The following MAF variants were observed in gnomAD, a reference collection of about 807,000 sequenced individuals.
The protein encoded by MAF is transcription factor Maf.
In MAF, 10 loss-of-function variants were observed where a neutral mutation model predicts 22.0. The observed-to-expected ratio is 0.45, with a 90% CI of 0.28 to 0.77. MAF has a LOEUF of 0.77. MAF is among the 30% of genes least tolerant of loss of function. The pLI, the probability that MAF is intolerant of heterozygous loss-of-function variation, is 0.12. For synonymous variants in MAF, 337 were observed against 255.8 expected (o/e 1.32, Z -3.03); for missense variants, 544 against 548.4 (o/e 0.99, Z 0.08).
chr16:79,570,185 T>C, the MAF span, among the ~76,000 whole-genome samples: 2 of 152,172 alleles, frequency 1.3e-5, no homozygotes, highest in Admixed American at 6.5e-5. Context: ...AAGGAATTAT[T>C]GCTTTGGATG....
chr16:79,306,502 T>C, the MAF span, among the ~76,000 whole-genome samples: 2 of 152,072 alleles, frequency 1.3e-5, no homozygotes, highest in South Asian at 2.1e-4. Flanking sequence ...GGAAGAGAGG[T>C]TGGTGGCTTA....
intron 1 of MAF, among the ~76,000 whole-genome samples, chr16:79,588,615 C>T (rs1913003190): frequency 1.3e-5 from 2 of 151,916 alleles, no homozygotes; most frequent in Admixed American, 6.6e-5. Context: ...GCACGTGCCC[C>T]CACGTCCTGC....
the MAF span, among the ~76,000 whole-genome samples, chr16:79,376,275 A>G: frequency 6.6e-6 from 1 of 152,150 alleles, no homozygotes; most frequent in Non-Finnish European, 1.5e-5. Flanking sequence ...TTACACAAAA[A>G]TAGGTTGCAT....
chr16:79,293,919 C>T, the MAF span, among the ~76,000 whole-genome samples: 2 of 152,040 alleles, frequency 1.3e-5, no homozygotes, highest in East Asian at 1.9e-4. Context: ...TGTGATCAGA[C>T]AATTTCAGTC....
chr16:79,510,475 G>A, the MAF span, among the ~76,000 whole-genome samples: 1 of 152,170 alleles, frequency 6.6e-6, no homozygotes, highest in African/African-American at 2.4e-5. Flanking sequence ...GAGATGTTCT[G>A]GGATGGAGAC....
chr16:79,581,718 C>A (rs1249678694), downstream of MAF, among the ~76,000 whole-genome samples: 1 of 152,196 alleles, frequency 6.6e-6, no homozygotes, highest in Non-Finnish European at 1.5e-5. Context: ...AAAACACAAT[C>A]CTACCGACAA....
chr16:79,357,713 C>G, the MAF span, among the ~76,000 whole-genome samples: 1 of 152,112 alleles, frequency 6.6e-6, no homozygotes, highest in Admixed American at 6.5e-5. Context: ...TTACTAGATG[C>G]TGCCCAGGTG....
the MAF span, among the ~76,000 whole-genome samples, chr16:79,388,097 C>T: frequency 3.3e-5 from 5 of 152,194 alleles, no homozygotes; most frequent in Non-Finnish European, 5.9e-5. Context: ...CGTCCACTCT[C>T]CTGGTTTCAC....
At chr16:79,479,851 CTT>C in the MAF span, among the ~76,000 whole-genome samples, 3 of 152,218 alleles carry the variant, frequency 2.0e-5, no homozygotes, top group Middle Eastern at 3.2e-3. Context: ...TAAATTGTCA[CTT>C]GGGTCAAATC....
the MAF span, among the ~76,000 whole-genome samples, chr16:79,287,724 CTCAT>C: frequency 7.9e-3 from 1,200 of 152,310 alleles, 18 homozygotes; most frequent in African/African-American, 0.027. Context: ...CATTTATTCA[CTCAT>C]TCATTCATTC....
the MAF span, among the ~76,000 whole-genome samples, chr16:79,250,797 C>T: frequency 2.0e-5 from 3 of 152,168 alleles, no homozygotes; most frequent in South Asian, 2.1e-4. Context: ...AGCTTGCTAG[C>T]GTGGCCTGGC....
At chr16:79,447,891 CA>C in the MAF span, among the ~76,000 whole-genome samples, 155 of 72,592 alleles carry the variant, frequency 2.1e-3, 2 homozygotes, top group South Asian at 3.3e-3. Flanking sequence ...GATTCCATCT[CA>C]AAAAAAAAAA....
chr16:79,487,503 G>A, the MAF span, among the ~76,000 whole-genome samples: 1 of 152,046 alleles, frequency 6.6e-6, no homozygotes, highest in Non-Finnish European at 1.5e-5. Context: ...CTAAATGATT[G>A]AAAGAAGGCA....
chr16:79,471,984 G>C, the MAF span, among the ~76,000 whole-genome samples: 2 of 152,144 alleles, frequency 1.3e-5, no homozygotes, highest in Non-Finnish European at 2.9e-5. Flanking sequence ...TAGCTTTCTA[G>C]TTAGGAAAGA....
the MAF span, among the ~76,000 whole-genome samples, chr16:79,346,091 A>C: frequency 6.6e-6 from 1 of 151,830 alleles, no homozygotes; most frequent in Non-Finnish European, 1.5e-5. Context: ...GGTTTGTTAC[A>C]TATGTATACA....
the MAF span, among the ~76,000 whole-genome samples, chr16:79,353,966 G>C: frequency 1.3e-5 from 2 of 151,942 alleles, no homozygotes; most frequent in Non-Finnish European, 2.9e-5. Context: ...GAGATAAGTG[G>C]GGTAGAGACA....
the MAF span, among the ~76,000 whole-genome samples, chr16:79,360,329 A>T: frequency 6.6e-6 from 1 of 152,156 alleles, no homozygotes; most frequent in Non-Finnish European, 1.5e-5. Context: ...GCAGCCTCCC[A>T]AATGCCCTTA....
At chr16:79,382,457 T>C in the MAF span, among the ~76,000 whole-genome samples, 1 of 152,214 alleles carries the variant, frequency 6.6e-6, no homozygotes, top group Admixed American at 6.5e-5. Flanking sequence ...ATTGAGCACT[T>C]GAAATGTGGC....
chr16:79,296,646 G>A, the MAF span, among the ~76,000 whole-genome samples: 10 of 149,748 alleles, frequency 6.7e-5, no homozygotes, highest in East Asian at 2.0e-4. Flanking sequence ...TTTACTTCCC[G>A]GATCTTCAAG....
Sources: allele counts gnomAD v4.1 joint callset (sites outside exome capture counted in the v4.1 genomes callset), GRCh38; gene constraint gnomAD v4.1.1; transcripts MANE v1.5; gene names NCBI Gene and HGNC (gene_info 2026-07-23, HGNC 2026-07-21).